CELF2: variants seen among roughly 807,000 people sequenced by gnomAD.
CELF2 encodes the protein CUG triplet repeat RNA-binding protein 2.
CELF2 carries 8 observed loss-of-function variants against 62.6 expected under a neutral mutation model. The ratio of observed to expected loss-of-function variants is 0.13; its 90% CI spans 0.07 to 0.23. CELF2 has a LOEUF of 0.23. Ranked by LOEUF, CELF2 falls within the 10% of genes least tolerant of loss-of-function variation. CELF2 has a pLI of 1.00. For synonymous variants in CELF2, 258 were observed against 250.0 expected (o/e 1.03, Z -0.30); for missense variants, 333 against 671.0 (o/e 0.50, Z 5.56).
intron 1 of CELF2, among the ~76,000 whole-genome samples, chr10:10,807,264 G>T (rs2055331636): frequency 6.6e-6 from 1 of 152,138 alleles, no homozygotes; most frequent in African/African-American, 2.4e-5. Flanking sequence ...TCTTAGGCTT[G>T]CCAGGACATG....
intron 1 of CELF2, among the ~76,000 whole-genome samples, chr10:11,152,339 CAACGCATTGTTCATCATTGTGTTCTG>C (rs1179081046): frequency 6.6e-6 from 1 of 152,074 alleles, no homozygotes; most frequent in Non-Finnish European, 1.5e-5. Context: ...AGAGCAGTGA[CAACGCATTGTTCATCATTGTGTTCTG>C]AACACAGTGC....
chr10:10,464,687 CA>C, the CELF2 span, among the ~76,000 whole-genome samples: 1 of 152,144 alleles, frequency 6.6e-6, no homozygotes, highest in African/African-American at 2.4e-5. Flanking sequence ...TCATCTTTTG[CA>C]GAACGCAATG....
At position 11,011,148 on chromosome 10, in the gene CELF2, A is replaced by G. The variant is rs2056391103; in HGVS notation, c.53+5708A>G. The G allele has an allele frequency of 1.3e-5, 2 of 152,078 alleles. No individual in the cohort carries two copies. The highest frequency in any genetic ancestry group is 4.8e-5 in the African/African-American group (2 of 41,394). The allele number at this position is 152,078 out of a possible 1,614,324, so 9.4% of individuals were successfully genotyped here. A position where few individuals can be genotyped will look rare whatever the true frequency, so the allele number is the denominator to read the frequency against. On this transcript the variant is annotated intron_variant, in intron 1 of 12. Transcript: ENST00000416382. This position sits in a 1 kb window ranked among gnomAD's most constrained non-coding sequence, Gnocchi z 4.6. ...TATAATGGGAACAGATGTTGGAAGG[A>G]ACAATAGACAATTTTAAAGCATTAT...
chr10:10,671,370 T>C, the CELF2 span, among the ~76,000 whole-genome samples: 4 of 152,178 alleles, frequency 2.6e-5, no homozygotes, highest in South Asian at 8.3e-4. Flanking sequence ...CTTCTGACAA[T>C]TGTGAATAAA....
the CELF2 span, among the ~76,000 whole-genome samples, chr10:10,709,118 C>T: frequency 2.6e-5 from 4 of 152,232 alleles, no homozygotes; most frequent in East Asian, 1.9e-4. Context: ...ATCCAGTCAA[C>T]ACTTCATGGG....
the CELF2 span, among the ~76,000 whole-genome samples, chr10:10,498,766 A>C: frequency 6.6e-6 from 1 of 152,222 alleles, no homozygotes; most frequent in Non-Finnish European, 1.5e-5. Flanking sequence ...ATTTGCAGCA[A>C]AAATTTGATT....
chr10:10,748,047 A>C, the CELF2 span, among the ~76,000 whole-genome samples: 1 of 152,210 alleles, frequency 6.6e-6, no homozygotes, highest in Non-Finnish European at 1.5e-5. Context: ...GGAAGAGTGT[A>C]GAATGATACC....
At chr10:10,754,918 T>C in the CELF2 span, among the ~76,000 whole-genome samples, 1 of 152,214 alleles carries the variant, frequency 6.6e-6, no homozygotes, top group African/African-American at 2.4e-5. Flanking sequence ...AATGAGAATA[T>C]GCTTTGTGAA....
At chr10:10,479,812 C>T in the CELF2 span, among the ~76,000 whole-genome samples, 1 of 152,220 alleles carries the variant, frequency 6.6e-6, no homozygotes, top group African/African-American at 2.4e-5. Context: ...ATAACGTTTG[C>T]AATCCTGAAA....
chr10:10,838,036 T>C (rs1377518625), intron 1 of CELF2, among the ~76,000 whole-genome samples: 1 of 152,224 alleles, frequency 6.6e-6, no homozygotes, highest in African/African-American at 2.4e-5. Context: ...CCTTTTTCTG[T>C]TCCCGATTCC....
At chr10:11,004,530 A>G (rs2054879460), upstream of CELF2, among the ~76,000 whole-genome samples, 1 of 152,048 alleles carries the variant, frequency 6.6e-6, no homozygotes, top group South Asian at 2.1e-4. The surrounding 1 kb of genome is among the most constrained non-coding windows in gnomAD (Gnocchi z 5.0). Flanking sequence ...GGTTAACTGT[A>G]CATGCGAAGC....
Position 11,329,523 on chromosome 10 carries a change from GC to G in CELF2, c.*473del, listed in dbSNP as rs2095934728. The G allele has an allele frequency of 6.6e-6, 1 of 152,666 alleles. No individual in the cohort carries two copies. Among genetic ancestry groups the G allele is most frequent in the Non-Finnish European group, 1.5e-5 (1 of 68,080 alleles). 9.5% of individuals were successfully genotyped at this position (152,666 alleles called of 1,614,324 possible). ...CCCGGCGCCCGCCCCCGGAGGGAGG[GC>G]CCGGTGCTTAGAGGTTAACTTGGTG... is the stretch of plus-strand genomic sequence containing the variant. On this transcript the variant is annotated 3_prime_UTR_variant, in exon 13 of 13. Transcript: ENST00000633077. This position sits in a 1 kb window ranked among gnomAD's most constrained non-coding sequence, Gnocchi z 5.5.
At chr10:10,926,636 T>G (rs2065491770) in intron 2 of CELF2, among the ~76,000 whole-genome samples, 1 of 152,218 alleles carries the variant, frequency 6.6e-6, no homozygotes, top group African/African-American at 2.4e-5. Flanking sequence ...CATGTCCATC[T>G]TCTTCCATGG....
the CELF2 span, among the ~76,000 whole-genome samples, chr10:10,675,497 T>C: frequency 6.6e-6 from 1 of 152,158 alleles, no homozygotes; most frequent in Non-Finnish European, 1.5e-5. Context: ...CTGAGCTTCC[T>C]GGATCTGTGG....
the CELF2 span, among the ~76,000 whole-genome samples, chr10:10,790,882 A>G: frequency 1.3e-5 from 2 of 152,160 alleles, no homozygotes; most frequent in South Asian, 4.1e-4. Flanking sequence ...TAAGGAATTC[A>G]GTAGGACTCT....
chr10:10,519,261 A>C, the CELF2 span, among the ~76,000 whole-genome samples: 19 of 152,332 alleles, frequency 1.2e-4, no homozygotes, highest in Middle Eastern at 3.4e-3. Context: ...TTAAAGGGCC[A>C]GTCTCGGGAA....
chr10:11,094,287 T>C (rs1595099058), intron 1 of CELF2, among the ~76,000 whole-genome samples: 2 of 152,380 alleles, frequency 1.3e-5, no homozygotes, highest in Non-Finnish European at 2.9e-5. Flanking sequence ...GCTGTTTTTC[T>C]AAAATGCCAT....
chr10:11,155,418 C>T (rs60686715), intron 1 of CELF2, among the ~76,000 whole-genome samples: 18,291 of 152,114 alleles, frequency 0.12, 1,153 homozygotes, highest in Middle Eastern at 0.14. Flanking sequence ...GTTTGCTCCT[C>T]GTCTTCTCCT....
chr10:11,033,905 T>C (rs2060543082), intron 1 of CELF2, among the ~76,000 whole-genome samples: 1 of 152,222 alleles, frequency 6.6e-6, no homozygotes, highest in South Asian at 2.1e-4. Context: ...GATTAGTTGT[T>C]TTGTTGTCAC....
Sources: allele counts gnomAD v4.1 joint callset (sites outside exome capture counted in the v4.1 genomes callset), GRCh38; gene constraint gnomAD v4.1.1; non-coding constraint Gnocchi (gnomAD v3.1); transcripts MANE v1.5; gene names NCBI Gene and HGNC (gene_info 2026-07-23, HGNC 2026-07-21).